TYK2: variants seen among roughly 807,000 people sequenced by gnomAD.
TYK2 encodes tyrosine kinase 2, also known as non-receptor tyrosine-protein kinase TYK2.
In TYK2, 65 loss-of-function variants were observed where a neutral mutation model predicts 130.9. The ratio of observed to expected loss-of-function variants is 0.50; its 90% CI spans 0.41 to 0.61. TYK2 has a LOEUF of 0.61. Ranked by LOEUF, TYK2 falls within the 20% of genes least tolerant of loss-of-function variation. The pLI, the probability that TYK2 is intolerant of heterozygous loss-of-function variation, is 0.00. For missense variants in TYK2, 1,378 were observed against 1,610.7 expected (o/e 0.86, Z 2.47); for synonymous variants, 647 against 658.9 (o/e 0.98, Z 0.28).
At position 10,352,381 on chromosome 19, in the gene TYK2, C is replaced by T; in HGVS notation, c.3318+53G>A. 2.4e-6 allele frequency: 3 copies of T among 1,238,776 alleles called. No individual in the cohort carries two copies. In the South Asian group the frequency reaches 3.6e-5, roughly 15 times the overall value. 76.7% of individuals were successfully genotyped at this position (1,238,776 alleles called of 1,614,324 possible). On this transcript the variant is annotated intron_variant, in intron 23 of 24. Coordinates refer to ENST00000525621, the MANE Select transcript of TYK2 (RefSeq NM_003331.5). ...GCCACCGCGCCTGGCCCAGCCTATG[C>T]CTTTCTAATTGCTCTAGCAAACTCC...
chr19:10,356,497 C>T (rs996763446), intron 18 of TYK2, 71 bp downstream of exon 18: 64 of 1,593,466 alleles, frequency 4.0e-5, no homozygotes, highest in Non-Finnish European at 5.0e-5. Context: ...CTCTCGTGCG[C>T]TATAGGCATA....
In TYK2 at chr19:10,353,802, C is replaced by T; in HGVS notation, c.2909-156G>A. 1 of 685,380 alleles carries T rather than the reference C, an allele frequency of 1.5e-6. No homozygotes were observed. Among genetic ancestry groups the T allele is most frequent in the East Asian group, 2.7e-5 (1 of 36,752 alleles). The allele number at this position is 685,380 out of a possible 1,614,324, so 42.5% of individuals were successfully genotyped here. Reference sequence around the variant, plus strand: ...TCAGGTGGGATGGACCCATCCAGAACCCCATTCTCACTTGAGGGAGCTGCT... The same window carrying T: ...TCAGGTGGGATGGACCCATCCAGAATCCCATTCTCACTTGAGGGAGCTGCT... On this transcript the variant is annotated intron_variant, in intron 20 of 24. Coordinates refer to ENST00000525621, the MANE Select transcript of TYK2 (RefSeq NM_003331.5). This position sits in a 1 kb window ranked among gnomAD's most constrained non-coding sequence, Gnocchi z 6.9.
At chr19:10,366,376 T>TC in intron 6 of TYK2, 41 bp downstream of exon 6, 1 of 1,592,832 alleles carries the variant, frequency 6.3e-7, no homozygotes, top group Non-Finnish European at 8.6e-7. Context: ...TCAGGACATT[T>TC]CCCCCTGCCT....
intron 18 of TYK2, among the ~76,000 whole-genome samples, 200 bp downstream of exon 18, chr19:10,356,368 G>A (rs1460096620): frequency 6.6e-6 from 1 of 152,196 alleles, no homozygotes; most frequent in Non-Finnish European, 1.5e-5. Context: ...GACAGAGCAA[G>A]ATTCCATTGC....
At chr19:10,377,560 ATGGATGGGTGGGTGGG>A (rs2042183424) in intron 3 of TYK2, among the ~76,000 whole-genome samples, 9 of 72,326 alleles carry the variant, frequency 1.2e-4, no homozygotes, top group Non-Finnish European at 1.3e-4. Flanking sequence ...GGGTGGGTGG[ATGGATGGGTGGGTGGG>A]TGGATGGATG....
At position 10,368,083 on chromosome 19, in the gene TYK2, G is replaced by A. The variant is rs137904701; in HGVS notation, c.437C>T (p.Pro146Leu). 156 of 1,614,026 alleles carry A rather than the reference G, an allele frequency of 9.7e-5. No homozygotes were observed. Among genetic ancestry groups the A allele is most frequent in the Non-Finnish European group, 1.3e-4 (151 of 1,180,038 alleles). Reference protein sequence around the residue: ...QTAQGMQLLDPASFEYLFEQG... With the variant: ...QTAQGMQLLDLASFEYLFEQG... ...CTCAAAGAGGTACTCAAATGAGGCT[G>A]GGTCCAGGAGTTGCATCCCCTGTGC... Residue 146 changes from proline to leucine, a missense_variant, in exon 5 of 25, where the codon CCA (proline) becomes CTA (leucine). Pro to Leu is a moderately conservative substitution (Grantham distance 98). Transcript: ENST00000525621.
chr19:10,372,468 A>G (rs1370672696), intron 3 of TYK2, among the ~76,000 whole-genome samples: 2 of 54,556 alleles, frequency 3.7e-5, no homozygotes, highest in Non-Finnish European at 6.5e-5. Flanking sequence ...CTATATATAT[A>G]TATATATATA....
rs186392205 is a variant in TYK2, at chr19:10,377,301, C to T, written c.193+913G>A. Among the ~76,000 whole-genome samples, 184 of 150,356 alleles carry T rather than the reference C, an allele frequency of 1.2e-3. 1 individual carries two copies. The highest frequency in any genetic ancestry group is 4.2e-3 in the African/African-American group (172 of 40,604). On this transcript the variant is annotated intron_variant, in intron 3 of 24. Transcript: ENST00000525621. ...GCAGCTGCCACACAGTAGATGCTTA[C>T]AAAATGTTCACCGAATGAACGGGTG...
Position 10,361,189 on chromosome 19 carries a change from G to A in TYK2, c.2047+322C>T. ...TGCCTGAGGCCATAGTGCTGATGGG[G>A]CCAGGAGCAGATGGGGGCTGGACTG... On this transcript the variant is annotated intron_variant, in intron 14 of 24. Coordinates refer to ENST00000525621, the MANE Select transcript of TYK2 (RefSeq NM_003331.5). This position sits in a 1 kb window ranked among gnomAD's most constrained non-coding sequence, Gnocchi z 4.0. The A allele has an allele frequency of 1.8e-6, 1 of 543,014 alleles. No individual in the cohort carries two copies. 33.6% of individuals were successfully genotyped at this position (543,014 alleles called of 1,614,324 possible). A position where few individuals can be genotyped will look rare whatever the true frequency, so the allele number is the denominator to read the frequency against.
intron 14 of TYK2, among the ~76,000 whole-genome samples, chr19:10,359,814 C>T (rs959156903): frequency 6.6e-6 from 1 of 151,866 alleles, no homozygotes; most frequent in Non-Finnish European, 1.5e-5. Flanking sequence ...CCCAACTCTA[C>T]TAAAAATACA....
chr19:10,378,323 C>T lies in TYK2; in HGVS notation c.84G>A (p.Leu28=), dbSNP rs1469832626. Reference sequence around the variant, plus strand: ...GACCAGCCCAGTGCAGAAGCACCTTCAGGCCTCCCATGGCAGCCATGGGCT... The same window carrying T: ...GACCAGCCCAGTGCAGAAGCACCTTTAGGCCTCCCATGGCAGCCATGGGCT... ...GAQPMAAMGG[L]KVLLHWAGPG... The change falls in exon 3 of 25, where the codon CTG becomes CTA. Residue 28 remains leucine (L), a synonymous_variant. Transcript: ENST00000525621. The T allele has an allele frequency of 6.2e-7, 1 of 1,612,844 alleles. No homozygotes were observed. The highest frequency in any genetic ancestry group is 8.5e-7 in the Non-Finnish European group (1 of 1,179,962).
Position 10,356,789 on chromosome 19 carries a change from T to G in TYK2, c.2467-71A>C, listed in dbSNP as rs1293829297. 2.6e-6 allele frequency: 4 copies of G among 1,522,614 alleles called. No homozygotes were observed. In the East Asian group the frequency reaches 9.8e-5, roughly 37 times the overall value. The allele number at this position is 1,522,614 out of a possible 1,614,324, so 94.3% of individuals were successfully genotyped here. The stretch of plus-strand genomic sequence containing the variant: ...CCAACCCGTTCCCCAAGAGGCAGAG[T>G]CAAGTCCCCAGAGTGGACCGCCAGG... On this transcript the variant is annotated intron_variant, in intron 17 of 24. Coordinates refer to ENST00000525621, the MANE Select transcript of TYK2 (RefSeq NM_003331.5).
chr19:10,367,872 A>C (rs966454089), intron 5 of TYK2, among the ~76,000 whole-genome samples, 183 bp downstream of exon 5: 2 of 151,792 alleles, frequency 1.3e-5, no homozygotes, highest in Non-Finnish European at 2.9e-5. Context: ...GTGAGCCGAG[A>C]TCACATCACT....
At chr19:10,366,277 A>G in intron 6 of TYK2, 140 bp downstream of exon 6, 7 of 874,604 alleles carry the variant, frequency 8.0e-6, no homozygotes, top group Non-Finnish European at 1.2e-5. Context: ...ACTGTACTCC[A>G]GCCTAGGTGA....
Position 10,353,545 on chromosome 19 carries a change from C to A in TYK2, c.3010G>T (p.Ala1004Ser). 6.7e-7 allele frequency: 1 copy of A among 1,496,404 alleles called. No individual in the cohort carries two copies. The allele number at this position is 1,496,404 out of a possible 1,614,324, so 92.7% of individuals were successfully genotyped here. ...SIGLAQLLLF[A>S]QQICEGMAYL... ...CGACCAACCTCGCAGATCTGCTGGG[C>A]GAAGAGCAGCAGCTGGGCCAGCCCG... is the stretch of plus-strand genomic sequence containing the variant. The change falls in exon 21 of 25, where the codon GCC becomes TCC. Residue 1004 changes from alanine to serine, a missense_variant. Physicochemically the swap from Ala to Ser is moderately conservative, Grantham distance 99. Transcript: ENST00000525621. This position sits in a 1 kb window ranked among gnomAD's most constrained non-coding sequence, Gnocchi z 6.9.
intron 9 of TYK2, 119 bp from the exon 10 acceptor site, chr19:10,362,776 A>C (rs1277214222): frequency 9.4e-6 from 8 of 849,440 alleles, no homozygotes; most frequent in Non-Finnish European, 1.5e-5. Flanking sequence ...CAAGTGTCAG[A>C]CACAGCCACT....
chr19:10,364,798 G>A lies in TYK2; in HGVS notation c.1210-27C>T, dbSNP rs1257139442. 1.9e-6 allele frequency: 3 copies of A among 1,614,000 alleles called. No individual in the cohort carries two copies. The highest frequency in any genetic ancestry group is 1.3e-5 in the African/African-American group (1 of 75,076). On this transcript the variant is annotated intron_variant, in intron 8 of 24. Coordinates refer to ENST00000525621, the MANE Select transcript of TYK2 (RefSeq NM_003331.5). The surrounding 1 kb of genome is among the most constrained non-coding windows in gnomAD (Gnocchi z 4.9). ...TGCCAGCCAGGGGCGCATCAGGTGG[G>A]TGTCCTCCCAGGCCATGATGGGCCC...
At chr19:10,352,779 G>A in intron 22 of TYK2, 147 bp downstream of exon 22, 1 of 1,082,780 alleles carries the variant, frequency 9.2e-7, no homozygotes, top group Admixed American at 2.8e-5. Context: ...ACCGCCCCTT[G>A]CCTCCATAGG....
At chr19:10,372,076 T>C (rs759936150) in intron 3 of TYK2, among the ~76,000 whole-genome samples, 9 of 151,920 alleles carry the variant, frequency 5.9e-5, no homozygotes, top group Non-Finnish European at 1.2e-4. Context: ...CTGCAAGCTC[T>C]GCCTCCTGGG....
Sources: allele counts gnomAD v4.1 joint callset (sites outside exome capture counted in the v4.1 genomes callset), GRCh38; gene constraint gnomAD v4.1.1; non-coding constraint Gnocchi (gnomAD v3.1); transcripts MANE v1.5; gene names NCBI Gene and HGNC (gene_info 2026-07-23, HGNC 2026-07-21).